ARHGEF28: variants seen among roughly 807,000 people sequenced by gnomAD.
ARHGEF28 encodes the protein Rho guanine nucleotide exchange factor 28, also known as 190 kDa guanine nucleotide exchange factor.
ARHGEF28 carries 152 observed loss-of-function variants against 206.6 expected under a neutral mutation model. The observed-to-expected ratio is 0.74, with a 90% CI of 0.64 to 0.84. The LOEUF is 0.84. Ranked by LOEUF, ARHGEF28 falls within the 40% of genes least tolerant of loss-of-function variation. The pLI, the probability that ARHGEF28 is intolerant of heterozygous loss-of-function variation, is 0.00. For synonymous variants in ARHGEF28, 763 were observed against 776.4 expected (o/e 0.98, Z 0.29); for missense variants, 2,028 against 2,073.2 (o/e 0.98, Z 0.42).
intron 35 of ARHGEF28, among the ~76,000 whole-genome samples, chr5:73,939,496 C>A (rs867327775): frequency 3.3e-5 from 5 of 152,202 alleles, no homozygotes; most frequent in African/African-American, 9.7e-5. Flanking sequence ...TACCTCTCTT[C>A]CTCCCCTCCC....
rs1206317160 is a variant in ARHGEF28, at chr5:73,832,443, G to C, written c.1130G>C (p.Cys377Ser). 1 of 1,612,448 alleles carries C rather than the reference G, an allele frequency of 6.2e-7. No homozygotes were observed. The stretch of plus-strand genomic sequence containing the variant: ...GGAGGTGATGAAGTCTACGCTAACT[G>C]TATGGTGATTGATCAGGTAAGGCCC... ...LNGGDEVYAN[C>S]MVIDQVGDLD... is the part of the protein sequence containing the mutation. The change falls in exon 10 of 36, where the codon TGT becomes TCT. Residue 377 changes from cysteine to serine, a missense_variant. By Grantham distance (112) the Cys-to-Ser change is moderately radical (BLOSUM62 -1). Transcript: ENST00000513042.
chr5:73,727,646 ACT>A (rs747603530), intron 2 of ARHGEF28, among the ~76,000 whole-genome samples: 33 of 152,078 alleles, frequency 2.2e-4, no homozygotes, highest in Non-Finnish European at 4.6e-4. Context: ...TTGTGTAGTA[ACT>A]CTGTTTTTTC....
In ARHGEF28 at chr5:73,796,537, A is replaced by G. The variant is rs571558313; in HGVS notation, c.1024+1146A>G. Among the ~76,000 whole-genome samples, 3 of 152,324 alleles carry G rather than the reference A, an allele frequency of 2.0e-5. No individual in the cohort carries two copies. The South Asian group carries it at 6.2e-4, about 32-fold the overall frequency. On this transcript the variant is annotated intron_variant, in intron 9 of 35. Transcript: ENST00000513042. The stretch of plus-strand genomic sequence containing the variant: ...ATGCTGTGCCAACACACGACAGAGC[A>G]GTTACAACCATTCGGAAATCATGCT...
At chr5:73,811,944 C>G (rs1291101348) in intron 9 of ARHGEF28, among the ~76,000 whole-genome samples, 1 of 144,996 alleles carries the variant, frequency 6.9e-6, no homozygotes, top group Non-Finnish European at 1.5e-5. Flanking sequence ...GATCCTGCCA[C>G]TGTACTCCAG....
At chr5:73,720,332 AC>A (rs1306910835) in intron 2 of ARHGEF28, among the ~76,000 whole-genome samples, 1 of 152,152 alleles carries the variant, frequency 6.6e-6, no homozygotes, top group African/African-American at 2.4e-5. Flanking sequence ...ACCTTGGAAA[AC>A]TAAGGGACAG....
chr5:73,792,838 T>C (rs754624863), intron 7 of ARHGEF28, among the ~76,000 whole-genome samples: 55 of 152,138 alleles, frequency 3.6e-4, no homozygotes, highest in Non-Finnish European at 7.2e-4. Context: ...TTTAACTATG[T>C]GTTTTGGACT....
At chr5:73,718,627 C>G (rs1410755532) in intron 2 of ARHGEF28, among the ~76,000 whole-genome samples, 1 of 152,144 alleles carries the variant, frequency 6.6e-6, no homozygotes, top group Non-Finnish European at 1.5e-5. Flanking sequence ...TGTTCCTGAG[C>G]TGACCTTGAC....
intron 26 of ARHGEF28, among the ~76,000 whole-genome samples, chr5:73,890,528 C>A (rs1375045983): frequency 1.3e-5 from 2 of 152,190 alleles, no homozygotes; most frequent in Non-Finnish European, 2.9e-5. Flanking sequence ...CTTTTGCTTC[C>A]ATTTTCAGAG....
intron 2 of ARHGEF28, among the ~76,000 whole-genome samples, chr5:73,707,627 C>T (rs1285073241): frequency 6.6e-6 from 1 of 152,122 alleles, no homozygotes; most frequent in African/African-American, 2.4e-5. Context: ...TTAACTGTCC[C>T]TGACTAGTAT....
chr5:73,816,945 T>C (rs1270325649), intron 9 of ARHGEF28, among the ~76,000 whole-genome samples: 1 of 122,664 alleles, frequency 8.2e-6, no homozygotes, highest in East Asian at 2.8e-4. Flanking sequence ...GAATGCCTGA[T>C]TTTCTGTTTT....
chr5:73,915,934 A>G (rs1161548913), intron 35 of ARHGEF28, among the ~76,000 whole-genome samples: 3 of 152,228 alleles, frequency 2.0e-5, no homozygotes, highest in Admixed American at 6.5e-5. Flanking sequence ...TGTTAATAAT[A>G]TAGATACTGG....
At position 73,852,985 on chromosome 5, in the gene ARHGEF28, A is replaced by G. The variant is rs16870974; in HGVS notation, c.1790+293A>G. Among the ~76,000 whole-genome samples the G allele has an allele frequency of 0.21, 31,746 of 152,124 alleles. 3,847 individuals carry two copies. Among genetic ancestry groups the G allele is most frequent in the African/African-American group, 0.33 (13,769 of 41,488 alleles). On this transcript the variant is annotated intron_variant, in intron 14 of 35. Transcript: ENST00000513042. Reference sequence around the variant, plus strand: ...TGAGGGGACCACCTGTTTTAGAAAGACAACATGTTTTCTCCAGCTCTATTC... The same window carrying G: ...TGAGGGGACCACCTGTTTTAGAAAGGCAACATGTTTTCTCCAGCTCTATTC...
In ARHGEF28 at chr5:73,897,624, G is replaced by T. The variant is rs147731576; in HGVS notation, c.3842-338G>T. Among the ~76,000 whole-genome samples, 140 of 152,306 alleles carry T rather than the reference G, an allele frequency of 9.2e-4. 1 individual carries two copies. The highest frequency in any genetic ancestry group is 3.0e-3 in the Admixed American group (46 of 15,300). On this transcript the variant is annotated intron_variant, in intron 29 of 35. Transcript: ENST00000513042. ...TGCATTTGAGATATTTTAATATAAT[G>T]GTTTATAGTTTTCTATTGAGTTAAT... is the stretch of plus-strand genomic sequence containing the variant.
At position 73,897,764 on chromosome 5, in the gene ARHGEF28, G is replaced by T. The variant is rs1443996058; in HGVS notation, c.3842-198G>T. Among the ~76,000 whole-genome samples, 8 of 151,994 alleles carry T rather than the reference G, an allele frequency of 5.3e-5. No homozygotes were observed. In the East Asian group the frequency reaches 1.3e-3, roughly 26 times the overall value. ...GTTTTGTAAATCACACAGTCTCTGG[G>T]GTGTGTGTGTGTGGTGTGCGCGCGT... On this transcript the variant is annotated intron_variant, in intron 29 of 35. Coordinates refer to ENST00000513042, the MANE Select transcript of ARHGEF28 (RefSeq NM_001177693.2).
intron 1 of ARHGEF28, among the ~76,000 whole-genome samples, chr5:73,664,126 C>T (rs1216943526): frequency 6.6e-6 from 1 of 152,196 alleles, no homozygotes; most frequent in African/African-American, 2.4e-5. Context: ...TCGGTCATCC[C>T]CACATTTCCC....
At chr5:73,656,140 A>G (rs1745183488) in intron 1 of ARHGEF28, among the ~76,000 whole-genome samples, 1 of 152,098 alleles carries the variant, frequency 6.6e-6, no homozygotes, top group Non-Finnish European at 1.5e-5. Context: ...CCCTTCTCAG[A>G]TTTCAACATC....
At chr5:73,670,275 G>A (rs1168794888) in intron 1 of ARHGEF28, among the ~76,000 whole-genome samples, 3 of 151,972 alleles carry the variant, frequency 2.0e-5, no homozygotes, top group East Asian at 1.9e-4. Context: ...GGCTTTTATC[G>A]CTCAGCATAA....
At chr5:73,824,773 A>T (rs940239885) in intron 9 of ARHGEF28, among the ~76,000 whole-genome samples, 1 of 132,232 alleles carries the variant, frequency 7.6e-6, no homozygotes, top group African/African-American at 2.5e-5. Flanking sequence ...AGACCTGAAG[A>T]TGTTTTTTTA....
At chr5:73,923,672 A>G (rs1456040232) in intron 35 of ARHGEF28, among the ~76,000 whole-genome samples, 2 of 140,350 alleles carry the variant, frequency 1.4e-5, no homozygotes, top group African/African-American at 3.0e-5. Flanking sequence ...TTCTTTGTCT[A>G]AAACAAGGTG....
Sources: allele counts gnomAD v4.1 joint callset (sites outside exome capture counted in the v4.1 genomes callset), GRCh38; gene constraint gnomAD v4.1.1; transcripts MANE v1.5; gene names NCBI Gene and HGNC (gene_info 2026-07-23, HGNC 2026-07-21).